The following TRAP1 variants were observed in gnomAD, a reference collection of about 807,000 sequenced individuals.
TRAP1 encodes TNF receptor associated protein 1.
TRAP1 carries 102 observed loss-of-function variants against 89.1 expected under a neutral mutation model. The ratio of observed to expected loss-of-function variants is 1.15; its 90% CI spans 0.98 to 1.35. TRAP1 has a LOEUF of 1.35. Ranked by LOEUF, TRAP1 falls within the 40% of genes most tolerant of loss-of-function variation. The pLI is 0.00. For synonymous variants in TRAP1, 508 were observed against 388.0 expected (o/e 1.31, Z -3.64); for missense variants, 1,256 against 945.3 (o/e 1.33, Z -4.31).
At chr16:3,697,430 C>T (rs573431337) in intron 1 of TRAP1, among the ~76,000 whole-genome samples, 9 of 151,888 alleles carry the variant, frequency 5.9e-5, no homozygotes, top group African/African-American at 1.7e-4. Context: ...TTTGGGAGGC[C>T]GAGGCGGGAG....
chr16:3,665,003 A>T (rs758749066), intron 12 of TRAP1: 1 of 154,132 alleles, frequency 6.5e-6, no homozygotes, highest in Non-Finnish European at 1.4e-5. Flanking sequence ...GGAAGGACGC[A>T]GGGGGAAAAC....
At chr16:3,679,215 G>A (rs976543588) in intron 5 of TRAP1, among the ~76,000 whole-genome samples, 19 of 152,020 alleles carry the variant, frequency 1.2e-4, no homozygotes, top group African/African-American at 3.1e-4. Flanking sequence ...TGCTTGAACC[G>A]GGAGGCAGAG....
chr16:3,669,091 T>C (rs992723585), intron 11 of TRAP1, among the ~76,000 whole-genome samples: 1 of 152,158 alleles, frequency 6.6e-6, no homozygotes, highest in Admixed American at 6.5e-5. Flanking sequence ...TGGCCACTCC[T>C]GGGCAGGGTG....
intron 11 of TRAP1, among the ~76,000 whole-genome samples, chr16:3,669,824 C>G (rs1333748551): frequency 3.3e-5 from 4 of 120,818 alleles, no homozygotes; most frequent in African/African-American, 9.9e-5. Context: ...CAGACCAAGA[C>G]TCCGTCTCAA....
chr16:3,669,832 C>CAAAAAAAA (rs59256364), intron 11 of TRAP1, among the ~76,000 whole-genome samples: 10 of 66,164 alleles, frequency 1.5e-4, no homozygotes, highest in Non-Finnish European at 1.7e-4. Flanking sequence ...GACTCCGTCT[C>CAAAAAAAA]AAAAAAAAAA....
At chr16:3,672,669 G>A (rs1273491033) in intron 10 of TRAP1, 31 bp downstream of exon 10, 4 of 1,593,024 alleles carry the variant, frequency 2.5e-6, no homozygotes, top group Middle Eastern at 1.7e-4. Flanking sequence ...TGGGCCACGG[G>A]GGCACTGCTC....
chr16:3,692,757 C>A (rs2051233506), intron 1 of TRAP1, among the ~76,000 whole-genome samples: 1 of 150,912 alleles, frequency 6.6e-6, no homozygotes, highest in Non-Finnish European at 1.5e-5. Context: ...TGCCACCACA[C>A]CCAGCTAATT....
At chr16:3,712,507 C>T (rs933105739) in intron 1 of TRAP1, among the ~76,000 whole-genome samples, 2 of 151,996 alleles carry the variant, frequency 1.3e-5, no homozygotes, top group Non-Finnish European at 2.9e-5. Context: ...TCTCTTCCTG[C>T]CAAGGGGTAG....
chr16:3,662,526 C>T (rs1360511416), intron 15 of TRAP1: 5 of 530,098 alleles, frequency 9.4e-6, no homozygotes, highest in Non-Finnish European at 1.8e-5. Context: ...CCACCCAAAA[C>T]CCCCGACTAA....
At position 3,662,127 on chromosome 16, in the gene TRAP1, G is replaced by A. The variant is rs372022445; in HGVS notation, c.1800C>T (p.Thr600=). ...LGSRVTNVKV[T]LRLDTHPAMV... ...TGGCAGGGTGGGTGTCCAGTCGGAG[G>A]GTCACCTGTGAGCAAAGCCCGGGGT... The change falls in exon 16 of 18, where the codon ACC becomes ACT. Residue 600 remains threonine (T), a synonymous_variant. Coordinates refer to ENST00000246957, the MANE Select transcript of TRAP1 (RefSeq NM_016292.3). 2 of 1,611,628 alleles carry A rather than the reference G, an allele frequency of 1.2e-6. No homozygotes were observed. Among genetic ancestry groups the A allele is most frequent in the East Asian group, 2.2e-5 (1 of 44,878 alleles).
At position 3,686,041 on chromosome 16, in the gene TRAP1, C is replaced by A. The variant is rs1403536032; in HGVS notation, c.426G>T (p.Glu142Asp). The change falls in exon 4 of 18, where the codon GAG becomes GAT. Residue 142 changes from glutamate (E) to aspartate (D), a missense_variant. By Grantham distance (45) the Glu-to-Asp change is conservative. Coordinates refer to ENST00000246957, the MANE Select transcript of TRAP1 (RefSeq NM_016292.3). Reference sequence around the variant, plus strand: ...TCTCGGCATTGGTCTGCAAGTGAATCTCCATTTCTGGCAGTGCTTGGCCGT... The same window carrying A: ...TCTCGGCATTGGTCTGCAAGTGAATATCCATTTCTGGCAGTGCTTGGCCGT... The part of the protein sequence containing the change: ...VSDGQALPEM[E>D]IHLQTNAEKG... 2 of 1,614,134 alleles carry A rather than the reference C, an allele frequency of 1.2e-6. No individual in the cohort carries two copies. Among genetic ancestry groups the A allele is most frequent in the East Asian group, 2.2e-5 (1 of 44,872 alleles).
chr16:3,717,035 G>C (rs1054310173), intron 1 of TRAP1, among the ~76,000 whole-genome samples: 1 of 152,202 alleles, frequency 6.6e-6, no homozygotes, highest in African/African-American at 2.4e-5. Context: ...CGATCACCCC[G>C]AGTGAGTCCA....
At position 3,717,414 on chromosome 16, in the gene TRAP1, C is replaced by G. The variant is rs1036554236; in HGVS notation, c.88+7G>C. The G allele has an allele frequency of 2.1e-5, 24 of 1,155,530 alleles. No individual in the cohort carries two copies. The East Asian group carries it at 5.7e-4, about 27-fold the overall frequency. 71.6% of individuals were successfully genotyped at this position (1,155,530 alleles called of 1,614,324 possible). On this transcript the variant is annotated splice_region_variant and intron_variant, in intron 1 of 17. Transcript: ENST00000246957. The stretch of plus-strand genomic sequence containing the variant: ...GCCCGCTGCCCGTCCAGCCAGGACG[C>G]CCTCACCTCCCGGCACGGCCGCCAG...
intron 8 of TRAP1, chr16:3,675,011 T>A (rs947464325): frequency 5.3e-6 from 2 of 375,308 alleles, no homozygotes; most frequent in Non-Finnish European, 9.8e-6. Flanking sequence ...TGTTCTGGAA[T>A]TGATGCGGGG....
At chr16:3,695,885 A>T (rs1233538460) in intron 1 of TRAP1, among the ~76,000 whole-genome samples, 1 of 152,196 alleles carries the variant, frequency 6.6e-6, no homozygotes, top group Admixed American at 6.5e-5. Context: ...AAAGTCACTG[A>T]TAAGGAAGGG....
At chr16:3,670,773 T>G (rs916572755) in intron 11 of TRAP1, among the ~76,000 whole-genome samples, 2 of 152,180 alleles carry the variant, frequency 1.3e-5, no homozygotes, top group Non-Finnish European at 2.9e-5. Flanking sequence ...TTTCTGCCTC[T>G]GAAGGTGAGG....
chr16:3,679,801 A>C lies in TRAP1; in HGVS notation c.472-11T>G. On this transcript the variant is annotated splice_polypyrimidine_tract_variant and intron_variant, in intron 4 of 17. Transcript: ENST00000246957. ...CCCGATACCAGTATCCTGAGGAGAG[A>C]GACGCACTAAGTGCCAAGCCCCCAG... 6.2e-7 allele frequency: 1 copy of C among 1,613,906 alleles called. No homozygotes were observed. Among genetic ancestry groups the C allele is most frequent in the Non-Finnish European group, 8.5e-7 (1 of 1,179,934 alleles).
At chr16:3,706,675 G>A (rs186325676) in intron 1 of TRAP1, among the ~76,000 whole-genome samples, 217 of 151,856 alleles carry the variant, frequency 1.4e-3, no homozygotes, top group African/African-American at 4.9e-3. Flanking sequence ...TGTCCAGGCT[G>A]GCATTCAACT....
At chr16:3,664,234 T>C (rs754302006) in intron 13 of TRAP1, 40 bp downstream of exon 13, 3 of 1,500,744 alleles carry the variant, frequency 2.0e-6, no homozygotes, top group Non-Finnish European at 1.8e-6. Context: ...CCTCCCCAGG[T>C]TGCAGCCCCC....
Sources: allele counts gnomAD v4.1 joint callset (sites outside exome capture counted in the v4.1 genomes callset), GRCh38; gene constraint gnomAD v4.1.1; transcripts MANE v1.5; gene names NCBI Gene and HGNC (gene_info 2026-07-23, HGNC 2026-07-21).